Variants in ZNF292 observed in about 807,000 individuals in gnomAD.
ZNF292 encodes 16 zinc-finger domain protein.
A neutral mutation model predicts 217.9 loss-of-function variants in ZNF292; 26 were observed. The observed-to-expected ratio is 0.12, with a 90% confidence interval of 0.09 to 0.17. The LOEUF (loss-of-function observed/expected upper bound fraction) is 0.17. Ranked by LOEUF, ZNF292 falls within the 10% of genes least tolerant of loss-of-function variation. The pLI is 1.00. For synonymous variants in ZNF292, 1,257 were observed against 1,124.1 expected, an observed-to-expected ratio of 1.12 and a Z score of -2.37; for missense variants, 2,904 against 3,175.2, an observed-to-expected ratio of 0.91 and a Z score of 2.05.
intron 1 of ZNF292, among the ~76,000 whole-genome samples, chr6:87,181,183 A>G (rs1470931529): frequency 6.6e-6 from 1 of 152,046 alleles, no homozygotes; most frequent in Non-Finnish European, 1.5e-5. Flanking sequence ...AGCCTTCCAT[A>G]TCCCACGCTG....
chr6:87,237,788 T>C (rs977295129), intron 5 of ZNF292, among the ~76,000 whole-genome samples: 1 of 152,256 alleles, frequency 6.6e-6, no homozygotes, highest in Admixed American at 6.5e-5. Context: ...TTAAGAGTTC[T>C]AAATTTTCTG....
intron 1 of ZNF292, among the ~76,000 whole-genome samples, chr6:87,157,128 G>C (rs1770569029): frequency 6.6e-6 from 1 of 152,046 alleles, no homozygotes; most frequent in African/African-American, 2.4e-5. Flanking sequence ...AAGAATCTCC[G>C]TTGCTGTATG....
At position 87,216,380 on chromosome 6, in the gene ZNF292, G is replaced by A; in HGVS notation, c.402+3G>A. On this transcript the variant is annotated splice_donor_region_variant and intron_variant, in intron 3 of 7. Coordinates refer to ENST00000369577, the MANE Select transcript of ZNF292 (RefSeq NM_015021.3). ...AACAATTTCAGACACTGGTGCAGGTGAGAATCTTTATCTTTAGATTTAATA... is the reference window on the plus strand; with the variant it reads ...AACAATTTCAGACACTGGTGCAGGTAAGAATCTTTATCTTTAGATTTAATA... 1 of 1,568,486 alleles carries A rather than the reference G, an allele frequency of 6.4e-7. No individual in the cohort carries two copies.
Position 87,233,387 on chromosome 6 carries a change from A to G in ZNF292, c.601A>G (p.Lys201Glu). 6.2e-7 allele frequency: 1 copy of G among 1,613,512 alleles called. No homozygotes were observed. Among genetic ancestry groups the G allele is most frequent in the Non-Finnish European group, 8.5e-7 (1 of 1,179,660 alleles). ...LLDMRIKHLI[K>E]TNQLSQATAL... ...GGATATGAGAATTAAACATCTAATC[A>G]AAACAAATCAGTTAAGTCAAGCAAC... Residue 201 changes from lysine to glutamate, a missense_variant, in exon 5 of 8, where the codon AAA becomes GAA. Transcript: ENST00000369577.
intron 6 of ZNF292, 97 bp downstream of exon 6, chr6:87,243,708 C>A: frequency 7.8e-6 from 9 of 1,153,134 alleles, no homozygotes; most frequent in Non-Finnish European, 9.1e-6. Context: ...AATTTAAAAT[C>A]TTTTTAAGAC....
chr6:87,192,774 A>G (rs1353660882), intron 1 of ZNF292, among the ~76,000 whole-genome samples: 3 of 152,190 alleles, frequency 2.0e-5, no homozygotes, highest in East Asian at 1.9e-4. Context: ...CAGTTTATTC[A>G]TTAATTCTCT....
intron 1 of ZNF292, among the ~76,000 whole-genome samples, chr6:87,172,581 A>T (rs1034071354): frequency 6.6e-6 from 1 of 152,090 alleles, no homozygotes. Context: ...GAAACCTAAT[A>T]CCAATAAATG....
Position 87,180,896 on chromosome 6 carries a change from T to A in ZNF292, c.168+25137T>A, listed in dbSNP as rs575125794. Among the ~76,000 whole-genome samples, 3 of 152,182 alleles carry A rather than the reference T, an allele frequency of 2.0e-5. No individual in the cohort carries two copies. In the South Asian group the frequency reaches 6.2e-4, roughly 32 times the overall value. On this transcript the variant is annotated intron_variant, in intron 1 of 7. Coordinates refer to ENST00000369577, the MANE Select transcript of ZNF292 (RefSeq NM_015021.3). ...TACAATTAATAATTGTAATTGAGAG[T>A]TCCCTGATTCCCCTTGCAGGAGGTG...
At chr6:87,236,436 GT>G (rs1773910986) in intron 5 of ZNF292, among the ~76,000 whole-genome samples, 1 of 151,576 alleles carries the variant, frequency 6.6e-6, no homozygotes, top group African/African-American at 2.4e-5. Context: ...GCTAGCCTTG[GT>G]AGATGGCAGA....
intron 1 of ZNF292, among the ~76,000 whole-genome samples, chr6:87,162,260 G>A (rs1328894607): frequency 6.6e-6 from 1 of 152,168 alleles, no homozygotes; most frequent in Non-Finnish European, 1.5e-5. Flanking sequence ...AAAACTGTTA[G>A]AGCTACAGAA....
In ZNF292 at chr6:87,257,141, A is replaced by G. The variant is rs753275162; in HGVS notation, c.3512A>G (p.Gln1171Arg). 3 of 1,613,910 alleles carry G rather than the reference A, an allele frequency of 1.9e-6. No homozygotes were observed. The highest frequency in any genetic ancestry group is 2.5e-6 in the Non-Finnish European group (3 of 1,179,858). Residue 1171 changes from glutamine (Q) to arginine (R), a missense_variant, in exon 8 of 8, where the codon CAG becomes CGG. Physicochemically the swap from Gln to Arg is conservative, Grantham distance 43. This residue lies in a region of ZNF292 where 687 missense variants were observed against 623.0 expected (regional missense o/e 1.10). Coordinates refer to ENST00000369577, the MANE Select transcript of ZNF292 (RefSeq NM_015021.3). ...VNSSNPFFTS[Q>R]TKANGNPACS... ...AGCTCAAATCCATTTTTTACATCACAGACCAAAGCCAATGGGAATCCTGCT... is the reference window on the plus strand; with the variant it reads ...AGCTCAAATCCATTTTTTACATCACGGACCAAAGCCAATGGGAATCCTGCT...
intron 5 of ZNF292, 34 bp from the exon 6 acceptor site, chr6:87,243,441 T>C (rs1256145622): frequency 1.3e-6 from 2 of 1,512,136 alleles, no homozygotes; most frequent in Non-Finnish European, 1.8e-6. Context: ...TATAAAACCA[T>C]TTTGTGGCAT....
chr6:87,179,430 G>A (rs1771401825), intron 1 of ZNF292, among the ~76,000 whole-genome samples: 1 of 152,010 alleles, frequency 6.6e-6, no homozygotes, highest in Non-Finnish European at 1.5e-5. Context: ...CAAAGTGCTG[G>A]GATTACAGGA....
intron 1 of ZNF292, among the ~76,000 whole-genome samples, chr6:87,197,428 T>G (rs1005424759): frequency 4.6e-5 from 7 of 151,834 alleles, no homozygotes; most frequent in African/African-American, 1.7e-4. Context: ...TGGGTTTTTT[T>G]TTTTTTTTTT....
intron 1 of ZNF292, among the ~76,000 whole-genome samples, chr6:87,206,671 A>G (rs1320351974): frequency 1.3e-5 from 2 of 152,204 alleles, no homozygotes; most frequent in African/African-American, 2.4e-5. Context: ...CTCTTTGGCT[A>G]TTCTTTATTT....
At chr6:87,159,495 C>CTTTTTTT (rs772140637) in intron 1 of ZNF292, among the ~76,000 whole-genome samples, 1 of 124,500 alleles carries the variant, frequency 8.0e-6, no homozygotes. Flanking sequence ...TCTTTTCTTT[C>CTTTTTTT]TTTTTTTTTT....
chr6:87,233,363 G>T lies in ZNF292; in HGVS notation c.577G>T (p.Asp193Tyr), dbSNP rs775825086. The T allele has an allele frequency of 6.2e-7, 1 of 1,612,476 alleles. No individual in the cohort carries two copies. The change falls in exon 5 of 8, where the codon GAT becomes TAT. Residue 193 changes from aspartate to tyrosine, a missense_variant. Asp to Tyr is a radical substitution (Grantham distance 160). This residue lies in a region of ZNF292 where 313 missense variants were observed against 451.0 expected (regional missense o/e 0.69). Transcript: ENST00000369577. ...FLAFEGPILL[D>Y]MRIKHLIKTN... ...AGCTTTTGAGGGTCCCATCTTGTTG[G>T]ATATGAGAATTAAACATCTAATCAA...
At chr6:87,182,079 C>T (rs1771489351) in intron 1 of ZNF292, among the ~76,000 whole-genome samples, 1 of 152,160 alleles carries the variant, frequency 6.6e-6, no homozygotes, top group South Asian at 2.1e-4. Flanking sequence ...GTGCTTCCTC[C>T]TCACCCACTC....
Position 87,178,410 on chromosome 6 carries a change from A to C in ZNF292, c.168+22651A>C, listed in dbSNP as rs140815103. Among the ~76,000 whole-genome samples, 47 of 152,294 alleles carry C rather than the reference A, an allele frequency of 3.1e-4. No homozygotes were observed. The East Asian group carries it at 9.1e-3, about 29-fold the overall frequency. The stretch of plus-strand genomic sequence containing the variant: ...TACTGAAATTATGTTACTTTTGACT[A>C]TTCTTATTTCATCTCATTTCTGAAT... On this transcript the variant is annotated intron_variant, in intron 1 of 7. Coordinates refer to ENST00000369577, the MANE Select transcript of ZNF292 (RefSeq NM_015021.3).
Sources: allele counts gnomAD v4.1 joint callset (sites outside exome capture counted in the v4.1 genomes callset), GRCh38; gene constraint gnomAD v4.1.1; regional missense constraint gnomAD v4.1.1; transcripts MANE v1.5; gene names NCBI Gene and HGNC (gene_info 2026-07-23, HGNC 2026-07-21).